The following LMAN2 variants were observed in gnomAD, a reference collection of about 807,000 sequenced individuals.
The protein encoded by LMAN2 is vesicular integral-membrane protein VIP36.
LMAN2 carries 22 observed loss-of-function variants against 39.3 expected under a neutral mutation model. The observed-to-expected ratio is 0.56, with a 90% CI of 0.40 to 0.80. The LOEUF is 0.80. Among genes scored for constraint, LMAN2 ranks in the 30% least tolerant of loss-of-function variants. LMAN2 has a pLI of 0.00. For synonymous variants in LMAN2, 207 were observed against 207.8 expected (o/e 1.00, Z 0.03); for missense variants, 494 against 505.4 (o/e 0.98, Z 0.22).
Position 177,332,356 on chromosome 5 carries a change from G to T in LMAN2, c.911-110C>A. The T allele has an allele frequency of 1.0e-6, 1 of 1,003,040 alleles. No individual in the cohort carries two copies. The highest frequency in any genetic ancestry group is 1.5e-6 in the Non-Finnish European group (1 of 680,706). The allele number at this position is 1,003,040 out of a possible 1,614,324, so 62.1% of individuals were successfully genotyped here. A position where few individuals can be genotyped will look rare whatever the true frequency, so the allele number is the denominator to read the frequency against. ...GACAGCCGGCCACGGTGGGCAGGCC[G>T]GTCGTACTCACCCCCCTCACCGGGG... On this transcript the variant is annotated intron_variant, in intron 7 of 7. Transcript: ENST00000303127. The surrounding 1 kb of genome is among the most constrained non-coding windows in gnomAD (Gnocchi z 6.3).
chr5:177,337,547 T>G lies in LMAN2; in HGVS notation c.514-23A>C. The stretch of plus-strand genomic sequence containing the variant: ...GCGCTGGGACCAAGACATCGGTTAC[T>G]CCACAAGCAGCCCAGCCTGTGGGGC... On this transcript the variant is annotated intron_variant, in intron 4 of 7. Transcript: ENST00000303127. The surrounding 1 kb of genome is among the most constrained non-coding windows in gnomAD (Gnocchi z 8.2). 6.2e-7 allele frequency: 1 copy of G among 1,611,386 alleles called. No homozygotes were observed. The highest frequency in any genetic ancestry group is 8.5e-7 in the Non-Finnish European group (1 of 1,178,022).
chr5:177,347,900 C>T (rs1377365112), intron 2 of LMAN2, among the ~76,000 whole-genome samples: 1 of 152,098 alleles, frequency 6.6e-6, no homozygotes, highest in Admixed American at 6.6e-5. Flanking sequence ...GGGAAGATTG[C>T]TTGAGTCCAA....
chr5:177,336,679 A>T (rs1761477470), intron 6 of LMAN2, among the ~76,000 whole-genome samples: 1 of 152,226 alleles, frequency 6.6e-6, no homozygotes, highest in Admixed American at 6.5e-5. Context: ...CCGATGGGCA[A>T]GATGTGGCCT....
chr5:177,338,784 G>A (rs1046649461), intron 2 of LMAN2, among the ~76,000 whole-genome samples, 179 bp from the exon 3 acceptor site: 1 of 152,252 alleles, frequency 6.6e-6, no homozygotes, highest in Non-Finnish European at 1.5e-5. Flanking sequence ...TTCTGGCCGT[G>A]AAGGGAAGAG....
At chr5:177,343,535 G>A (rs917343824) in intron 2 of LMAN2, among the ~76,000 whole-genome samples, 6 of 57,286 alleles carry the variant, frequency 1.0e-4, no homozygotes, top group African/African-American at 2.5e-4. Flanking sequence ...TGTCCATTAC[G>A]AATAGATGAA....
intron 2 of LMAN2, among the ~76,000 whole-genome samples, chr5:177,347,647 A>G (rs1407607873): frequency 6.6e-6 from 1 of 152,222 alleles, no homozygotes; most frequent in African/African-American, 2.4e-5. Context: ...TCACCTGGCA[A>G]TAAGAGGCTA....
intron 2 of LMAN2, among the ~76,000 whole-genome samples, chr5:177,344,236 T>A (rs1398763120): frequency 5.3e-4 from 77 of 145,392 alleles, no homozygotes; most frequent in African/African-American, 1.7e-3. Context: ...AAAAAAAAAA[T>A]TTTTTTTTAA....
rs759011158 is a variant in LMAN2 at position 177,334,332 on chromosome 5, C to T, written c.862G>A (p.Asp288Asn). 1.2e-5 allele frequency: 19 copies of T among 1,613,260 alleles called. No individual in the cohort carries two copies. The highest frequency in any genetic ancestry group is 1.6e-5 in the Non-Finnish European group (19 of 1,180,026). ...VEHTPDEESI[D>N]WTKIEPSVNF... ...ACGCTGGGCTCGATCTTGGTCCAGTCGATGCTCTCCTCGTCGGGCGTGTGC... is the reference window on the plus strand; with the variant it reads ...ACGCTGGGCTCGATCTTGGTCCAGTTGATGCTCTCCTCGTCGGGCGTGTGC... Residue 288 changes from aspartate (D) to asparagine (N), a missense_variant, in exon 7 of 8, where the codon GAC becomes AAC. Asp to Asn is a conservative substitution (Grantham distance 23, BLOSUM62 1). Transcript: ENST00000303127.
chr5:177,344,687 C>A (rs1183425190), intron 2 of LMAN2, among the ~76,000 whole-genome samples: 1 of 151,504 alleles, frequency 6.6e-6, no homozygotes, highest in Non-Finnish European at 1.5e-5. Flanking sequence ...AGGCAGATCA[C>A]CTGAGGTCAG....
At position 177,334,281 on chromosome 5, in the gene LMAN2, C is replaced by T. The variant is rs1761436122; in HGVS notation, c.910+3G>A. The T allele has an allele frequency of 6.2e-7, 1 of 1,611,002 alleles. No homozygotes were observed. The highest frequency in any genetic ancestry group is 1.1e-5 in the South Asian group (1 of 90,932). On this transcript the variant is annotated splice_donor_region_variant and intron_variant, in intron 7 of 7. Coordinates refer to ENST00000303127, the MANE Select transcript of LMAN2 (RefSeq NM_006816.3). ...CAGGCAGGGCGGGGCTGTGCACACG[C>T]ACCTTTGGGCGACTTGAGGAAGTTG...
intron 6 of LMAN2, among the ~76,000 whole-genome samples, chr5:177,334,710 T>A (rs1045519003): frequency 6.6e-6 from 1 of 152,142 alleles, no homozygotes; most frequent in African/African-American, 2.4e-5. Flanking sequence ...GGAGTGATGA[T>A]CTCCATCTGT....
chr5:177,351,353 C>G, intron 1 of LMAN2, 62 bp from the exon 2 acceptor site: 3 of 1,607,924 alleles, frequency 1.9e-6, no homozygotes, highest in Non-Finnish European at 2.6e-6. Flanking sequence ...AGGCAGGAAA[C>G]CCACAGAGAT....
intron 2 of LMAN2, among the ~76,000 whole-genome samples, chr5:177,345,647 T>C (rs1761624392): frequency 6.6e-6 from 1 of 152,278 alleles, no homozygotes; most frequent in African/African-American, 2.4e-5. Context: ...TGCAGAGCTG[T>C]GGTCTGCCCG....
rs756753744 is a variant in LMAN2 at position 177,351,647 on chromosome 5, T to TTCTCC, written c.-5_-1dup. 7 of 1,588,612 alleles carry TTCTCC rather than the reference T, an allele frequency of 4.4e-6. No individual in the cohort carries two copies. The highest frequency in any genetic ancestry group is 2.3e-5 in the South Asian group (2 of 88,154). ...CGCCAAATCCAGCCTTCCGCCGCCA[T>TTCTCC]TCTCCTCTCCTCTCGGCCACTTCCG... On this transcript the variant is annotated 5_prime_UTR_variant, in exon 1 of 8. Transcript: ENST00000303127.
chr5:177,334,303 G>A lies in LMAN2; in HGVS notation c.891C>T (p.Asn297=), dbSNP rs902857534. The part of the protein sequence containing the change: ...IDWTKIEPSV[N]FLKSPKDNVD... ...ACGCACCTTTGGGCGACTTGAGGAA[G>A]TTGACGCTGGGCTCGATCTTGGTCC... The change falls in exon 7 of 8, where the codon AAC becomes AAT. Residue 297 remains asparagine (N), a synonymous_variant. Coordinates refer to ENST00000303127, the MANE Select transcript of LMAN2 (RefSeq NM_006816.3). 3 of 1,612,244 alleles carry A rather than the reference G, an allele frequency of 1.9e-6. No individual in the cohort carries two copies. The highest frequency in any genetic ancestry group is 2.7e-5 in the African/African-American group (2 of 74,906).
At chr5:177,335,013 A>G (rs1382176086) in intron 6 of LMAN2, among the ~76,000 whole-genome samples, 1 of 152,228 alleles carries the variant, frequency 6.6e-6, no homozygotes, top group Non-Finnish European at 1.5e-5. Context: ...CACAGGGAAG[A>G]GCCCTGGCTT....
chr5:177,332,344 G>T lies in LMAN2; in HGVS notation c.911-98C>A. On this transcript the variant is annotated intron_variant, in intron 7 of 7. Coordinates refer to ENST00000303127, the MANE Select transcript of LMAN2 (RefSeq NM_006816.3). The surrounding 1 kb of genome is among the most constrained non-coding windows in gnomAD (Gnocchi z 6.3). ...GGGATGGAACAGGACAGCCGGCCAC[G>T]GTGGGCAGGCCGGTCGTACTCACCC... 2 of 1,172,030 alleles carry T rather than the reference G, an allele frequency of 1.7e-6. No individual in the cohort carries two copies. The highest frequency in any genetic ancestry group is 3.0e-5 in the African/African-American group (2 of 65,976). 72.6% of individuals were successfully genotyped at this position (1,172,030 alleles called of 1,614,324 possible). A position where few individuals can be genotyped will look rare whatever the true frequency, so the allele number is the denominator to read the frequency against.
At chr5:177,335,343 A>G (rs1395643728) in intron 6 of LMAN2, among the ~76,000 whole-genome samples, 1 of 152,128 alleles carries the variant, frequency 6.6e-6, no homozygotes, top group Non-Finnish European at 1.5e-5. Flanking sequence ...CAAACTCCCA[A>G]TGGTTGAGTA....
chr5:177,332,076 G>C lies in LMAN2; in HGVS notation c.*10C>G, dbSNP rs572505982. The C allele has an allele frequency of 6.3e-7, 1 of 1,596,998 alleles. No individual in the cohort carries two copies. Among genetic ancestry groups the C allele is most frequent in the African/African-American group, 1.3e-5 (1 of 74,444 alleles). On this transcript the variant is annotated 3_prime_UTR_variant, in exon 8 of 8. Transcript: ENST00000303127. This position sits in a 1 kb window ranked among gnomAD's most constrained non-coding sequence, Gnocchi z 6.3. Reference sequence around the variant, plus strand: ...CTGGGCCCAGGGACAGGCCCCGCCGGAGGCGCCACTCAGTAGAAGCGCTTG... The same window carrying C: ...CTGGGCCCAGGGACAGGCCCCGCCGCAGGCGCCACTCAGTAGAAGCGCTTG...
Sources: allele counts gnomAD v4.1 joint callset (sites outside exome capture counted in the v4.1 genomes callset), GRCh38; gene constraint gnomAD v4.1.1; non-coding constraint Gnocchi (gnomAD v3.1); transcripts MANE v1.5; gene names NCBI Gene and HGNC (gene_info 2026-07-23, HGNC 2026-07-21).